The following RDH8 variants were observed in gnomAD, a reference collection of about 807,000 sequenced individuals.
RDH8 encodes the protein photoreceptor outer segment all-trans retinol dehydrogenase.
In RDH8, 14 loss-of-function variants were observed where a neutral mutation model predicts 22.3. The observed-to-expected ratio is 0.63, with a 90% CI of 0.42 to 0.98. The LOEUF (loss-of-function observed/expected upper bound fraction) is 0.98, where lower values mean the gene tolerates loss of function less well. RDH8 is among the 50% of genes least tolerant of loss of function. The pLI is 0.00. For missense variants in RDH8, 389 were observed against 409.8 expected (o/e 0.95, Z 0.44); for synonymous variants, 175 against 171.7 (o/e 1.02, Z -0.15).
intron 1 of RDH8, among the ~76,000 whole-genome samples, chr19:10,016,118 C>A (rs2087612670): frequency 6.8e-6 from 1 of 146,334 alleles, no homozygotes; most frequent in Non-Finnish European, 1.5e-5. Flanking sequence ...AAGGCAGAAA[C>A]TTTATCTTAT....
chr19:10,021,165 C>A (rs1441577141), intron 4 of RDH8, 90 bp from the exon 5 acceptor site: 11 of 1,248,664 alleles, frequency 8.8e-6, no homozygotes, highest in Non-Finnish European at 1.2e-5. Context: ...CAGAGTGAGA[C>A]CCTGTATCTT....
At position 10,022,178 on chromosome 19, in the gene RDH8, A is replaced by C. The variant is rs2087668826; in HGVS notation, c.*429A>C. On this transcript the variant is annotated 3_prime_UTR_variant, in exon 6 of 6. Coordinates refer to ENST00000591589, the MANE Select transcript of RDH8 (RefSeq NM_015725.4). ...GCATACACCAGAGCTCTGTGGACCA[A>C]GGGGTCATTCCTGGTCACACACTCC... 1.1e-5 allele frequency: 2 copies of C among 176,380 alleles called. No individual in the cohort carries two copies. The highest frequency in any genetic ancestry group is 1.4e-4 in the South Asian group (1 of 7,138). The allele number at this position is 176,380 out of a possible 1,614,324, so 10.9% of individuals were successfully genotyped here.
chr19:10,018,874 C>T lies in RDH8; in HGVS notation c.406C>T (p.His136Tyr), dbSNP rs2087639094. The T allele has an allele frequency of 3.1e-6, 5 of 1,613,346 alleles. No homozygotes were observed. In the East Asian group the frequency reaches 1.1e-4, roughly 36 times the overall value. Reference sequence around the variant, plus strand: ...AGGCATGAAGAGGAGGCGGCAGGGCCACATCGTGGTGATCAGCAGTGTCAT... The same window carrying T: ...AGGCATGAAGAGGAGGCGGCAGGGCTACATCGTGGTGATCAGCAGTGTCAT... ...LPGMKRRRQG[H>Y]IVVISSVMGL... Residue 136 changes from histidine (H) to tyrosine (Y), a missense_variant, in exon 3 of 6, where the codon CAC becomes TAC. By Grantham distance (83) the His-to-Tyr change is moderately conservative (BLOSUM62 2). Transcript: ENST00000591589.
intron 1 of RDH8, among the ~76,000 whole-genome samples, chr19:10,016,345 C>T (rs1230003102): frequency 4.1e-5 from 6 of 145,728 alleles, no homozygotes; most frequent in Admixed American, 2.1e-4. Context: ...TTAGTAGAGA[C>T]GGGGTTTCAC....
rs756327126 is a variant in RDH8 at position 10,021,243 on chromosome 19, C to G, written c.537-12C>G. On this transcript the variant is annotated splice_polypyrimidine_tract_variant and intron_variant, in intron 4 of 5. Transcript: ENST00000591589. ...GGGCATCAGACTTACACTACCCATG[C>G]CTGGTCGCCAGCATCTCCCTGGTGG... 1 of 1,613,798 alleles carries G rather than the reference C, an allele frequency of 6.2e-7. No individual in the cohort carries two copies. Among genetic ancestry groups the G allele is most frequent in the Non-Finnish European group, 8.5e-7 (1 of 1,179,872 alleles).
intron 2 of RDH8, among the ~76,000 whole-genome samples, chr19:10,017,731 C>A (rs1299345631): frequency 6.6e-6 from 1 of 152,132 alleles, no homozygotes; most frequent in Non-Finnish European, 1.5e-5. Context: ...ACTGCAACCT[C>A]CACCTCCCAG....
chr19:10,013,700 G>A (rs1369205154), intron 1 of RDH8, 100 bp downstream of exon 1: 1 of 1,242,892 alleles, frequency 8.0e-7, no homozygotes, highest in Non-Finnish European at 1.1e-6. Context: ...TGTGGGCTTG[G>A]GGAGACCCAG....
At chr19:10,018,955 T>C (rs766758668) in intron 3 of RDH8, 45 bp downstream of exon 3, 1 of 1,514,042 alleles carries the variant, frequency 6.6e-7, no homozygotes, top group Non-Finnish European at 9.0e-7. Flanking sequence ...CAGTGTCTGA[T>C]CCTCCCCAGA....
chr19:10,018,979 G>A (rs1324469969), intron 3 of RDH8, 69 bp downstream of exon 3: 22 of 1,340,854 alleles, frequency 1.6e-5, no homozygotes, highest in African/African-American at 2.9e-5. Context: ...GGAGGATGGC[G>A]AATGGGTTTT....
At chr19:10,016,992 C>A in intron 1 of RDH8, 65 bp from the exon 2 acceptor site, 1 of 1,409,978 alleles carries the variant, frequency 7.1e-7, no homozygotes, top group Non-Finnish European at 9.4e-7. Flanking sequence ...ATCACAGACA[C>A]GTGGCGCCCA....
At chr19:10,018,014 C>CG (rs2087632909) in intron 2 of RDH8, among the ~76,000 whole-genome samples, 1 of 152,036 alleles carries the variant, frequency 6.6e-6, no homozygotes, top group African/African-American at 2.4e-5. Context: ...GGCGCAATCT[C>CG]AGCTCACTGC....
chr19:10,013,842 G>A (rs1006394884), intron 1 of RDH8, among the ~76,000 whole-genome samples: 1 of 152,166 alleles, frequency 6.6e-6, no homozygotes, highest in South Asian at 2.1e-4. Context: ...TGTCATGTGG[G>A]GAGGAGAGGG....
chr19:10,014,266 C>T (rs1038275022), intron 1 of RDH8, among the ~76,000 whole-genome samples: 2 of 152,188 alleles, frequency 1.3e-5, no homozygotes, highest in Non-Finnish European at 1.5e-5. Flanking sequence ...GAGGGCATTG[C>T]CCCAGTTGGC....
intron 4 of RDH8, 77 bp downstream of exon 4, chr19:10,020,879 GA>G: frequency 9.4e-7 from 1 of 1,063,430 alleles, no homozygotes; most frequent in Non-Finnish European, 1.4e-6. Flanking sequence ...GAGGAGAGAT[GA>G]AGACAATGAA....
chr19:10,016,124 C>CTTAT (rs139050285), intron 1 of RDH8, among the ~76,000 whole-genome samples: 20,418 of 142,276 alleles, frequency 0.14, 1,650 homozygotes, highest in East Asian at 0.3. Context: ...GAAACTTTAT[C>CTTAT]TTATTTATTT....
chr19:10,021,674 CT>C lies in RDH8; in HGVS notation c.862del (p.Cys288ValfsTer45). 6.2e-7 allele frequency: 1 copy of C among 1,614,164 alleles called. No individual in the cohort carries two copies. On this transcript the variant is annotated frameshift_variant, in exon 6 of 6. Coordinates refer to ENST00000591589, the MANE Select transcript of RDH8 (RefSeq NM_015725.4). LOFTEE classifies it high-confidence loss of function. Reference protein sequence around the residue: ...VRTTHRLLFRCPRLLNLGLQC... With the variant: ...VRTTHRLLFRXPRLLNLGLQC... ...GAACGACCCACCGCCTCCTCTTCCG[CT>C]GTCCACGCCTCCTCAACCTTGGCCT...
chr19:10,018,661 A>G, intron 2 of RDH8, 70 bp from the exon 3 acceptor site: 3 of 1,292,608 alleles, frequency 2.3e-6, no homozygotes, highest in Non-Finnish European at 3.2e-6. Context: ...GAGGTGCTTC[A>G]GGGAGTGTCT....
chr19:10,019,728 G>C (rs1211591724), intron 3 of RDH8, among the ~76,000 whole-genome samples: 5 of 152,078 alleles, frequency 3.3e-5, no homozygotes, highest in African/African-American at 1.2e-4. Context: ...TTGAGCCCAG[G>C]AGGCAGAGGT....
intron 1 of RDH8, among the ~76,000 whole-genome samples, chr19:10,015,935 A>T (rs1225457799): frequency 6.6e-6 from 1 of 151,606 alleles, no homozygotes; most frequent in Non-Finnish European, 1.5e-5. Flanking sequence ...CTGGGCAACA[A>T]ACAAGAGTGA....
Sources: allele counts gnomAD v4.1 joint callset (sites outside exome capture counted in the v4.1 genomes callset), GRCh38; gene constraint gnomAD v4.1.1; transcripts MANE v1.5; gene names NCBI Gene and HGNC (gene_info 2026-07-23, HGNC 2026-07-21).